Variants in ATXN7 observed in about 807,000 individuals in gnomAD.
ATXN7 encodes ataxin 7.
Under a neutral mutation model 70.5 loss-of-function variants are expected in ATXN7, and 12 were observed. The observed-to-expected ratio is 0.17, with a 90% confidence interval of 0.11 to 0.28. ATXN7 has a LOEUF of 0.28. Ranked by LOEUF, ATXN7 falls within the 10% of genes least tolerant of loss-of-function variation. ATXN7 has a pLI of 1.00. For synonymous variants in ATXN7, 498 were observed against 448.7 expected (o/e 1.11, Z -1.39); for missense variants, 1,256 against 1,131.7 (o/e 1.11, Z -1.58).
At chr3:63,945,854 T>C (rs748855652) in intron 4 of ATXN7, among the ~76,000 whole-genome samples, 15 of 152,074 alleles carry the variant, frequency 9.9e-5, no homozygotes, top group Non-Finnish European at 2.1e-4. Flanking sequence ...CAGGTACAGG[T>C]CTGGGGGAAC....
At chr3:63,868,312 C>G (rs1292692091) in intron 1 of ATXN7, among the ~76,000 whole-genome samples, 1 of 152,166 alleles carries the variant, frequency 6.6e-6, no homozygotes, top group African/African-American at 2.4e-5. Flanking sequence ...GCTACTTACC[C>G]TGCTTGACTC....
chr3:63,863,657 G>A, upstream of ATXN7: 1 of 1,221,932 alleles, frequency 8.2e-7, no homozygotes, highest in Non-Finnish European at 1.0e-6. Context: ...AAGCGCTCTG[G>A]CGAAGAGGCC....
intron 2 of ATXN7, among the ~76,000 whole-genome samples, chr3:63,906,564 A>G (rs1293294070): frequency 7.2e-5 from 11 of 152,194 alleles, no homozygotes; most frequent in Non-Finnish European, 1.6e-4. Flanking sequence ...TTCAGAGCAT[A>G]TACTCTTAAC....
intron 12 of ATXN7, chr3:63,998,040 C>T (rs2075787832): frequency 1.0e-6 from 1 of 985,202 alleles, no homozygotes. Flanking sequence ...ACATGGTGTG[C>T]CGATTCTTCA....
intron 5 of ATXN7, 57 bp downstream of exon 5, chr3:63,952,540 T>G: frequency 7.8e-7 from 1 of 1,284,928 alleles, no homozygotes; most frequent in Non-Finnish European, 1.1e-6. Flanking sequence ...AAAGCAAGAT[T>G]AAACTAAGGA....
chr3:63,932,308 A>T (rs1457803648), intron 4 of ATXN7, among the ~76,000 whole-genome samples: 2 of 152,220 alleles, frequency 1.3e-5, no homozygotes, highest in Non-Finnish European at 2.9e-5. Flanking sequence ...TTAAAAGTTA[A>T]GAGTCAGAAG....
chr3:63,981,277 G>T (rs1049262542), intron 6 of ATXN7, among the ~76,000 whole-genome samples: 6 of 152,158 alleles, frequency 3.9e-5, no homozygotes, highest in Non-Finnish European at 7.3e-5. Flanking sequence ...CTGTTCTTCT[G>T]TCAGAAGTAC....
At position 63,982,439 on chromosome 3, in the gene ATXN7, T is replaced by C. The variant is rs371301831; in HGVS notation, c.1006T>C (p.Leu336=). 2 of 1,600,940 alleles carry C rather than the reference T, an allele frequency of 1.2e-6. No individual in the cohort carries two copies. The highest frequency in any genetic ancestry group is 2.7e-5 in the African/African-American group (2 of 74,236). Residue 336 remains leucine, a synonymous_variant, in exon 7 of 13, where the codon TTA becomes CTA. Coordinates refer to ENST00000674280, the MANE Select transcript of ATXN7 (RefSeq NM_001377405.1). ...SNNRKFLNKR[L]SEREFDPDIH... ...TAATAGGAAATTTTTAAATAAGAGA[T>C]TATCAGGTAACTTCAAATTTTCTTT...
chr3:63,965,327 T>C (rs2106704078), intron 5 of ATXN7, among the ~76,000 whole-genome samples: 1 of 152,284 alleles, frequency 6.6e-6, no homozygotes, highest in Admixed American at 6.5e-5. Context: ...CCTGAGTCTC[T>C]TGCCCACGGC....
intron 2 of ATXN7, chr3:63,905,564 G>T (rs1168643602): frequency 6.6e-6 from 1 of 152,116 alleles, no homozygotes; most frequent in Admixed American, 6.6e-5. Flanking sequence ...CCCACTAATT[G>T]CCCGCTTGTG....
In ATXN7 at chr3:63,903,133, G is replaced by C. The variant is rs529610641; in HGVS notation, c.-12+4636G>C. Among the ~76,000 whole-genome samples the C allele has an allele frequency of 7.2e-5, 11 of 151,966 alleles. 1 individual carries two copies. In the South Asian group the frequency reaches 2.1e-3, roughly 29 times the overall value. ...ATGTGGGCCGGGCACGGTGGCTCAC[G>C]CCTGTAATTCCGGCACTTTGGGAGG... On this transcript the variant is annotated intron_variant, in intron 2 of 12. Transcript: ENST00000674280.
At chr3:63,968,627 G>T (rs2075264293) in intron 5 of ATXN7, among the ~76,000 whole-genome samples, 1 of 152,166 alleles carries the variant, frequency 6.6e-6, no homozygotes, top group Non-Finnish European at 1.5e-5. Flanking sequence ...AAGTCATTCA[G>T]TAACTTAAAT....
intron 1 of ATXN7, among the ~76,000 whole-genome samples, chr3:63,879,324 T>G (rs73834104): frequency 0.01 from 1,563 of 152,248 alleles, 24 homozygotes; most frequent in African/African-American, 0.034. Context: ...TTGGTTAAAA[T>G]TAAACTAACA....
chr3:63,884,980 G>C, intron 1 of ATXN7, among the ~76,000 whole-genome samples: 1 of 152,086 alleles, frequency 6.6e-6, no homozygotes, highest in East Asian at 1.9e-4. Flanking sequence ...TTTTAAGTCT[G>C]AGCTGTGCCT....
chr3:63,967,618 G>A (rs2075248037), intron 5 of ATXN7: 1 of 372,382 alleles, frequency 2.7e-6, no homozygotes, highest in Non-Finnish European at 4.4e-6. Context: ...TTGCATTTTA[G>A]CAGGTTAAAC....
At chr3:63,983,658 C>T (rs956238288) in intron 8 of ATXN7, among the ~76,000 whole-genome samples, 4 of 151,978 alleles carry the variant, frequency 2.6e-5, no homozygotes, top group African/African-American at 2.4e-5. Context: ...AATTTATATA[C>T]AAGCTAAGAA....
intron 4 of ATXN7, among the ~76,000 whole-genome samples, chr3:63,926,963 C>T (rs1704744459): frequency 6.6e-6 from 1 of 152,166 alleles, no homozygotes; most frequent in South Asian, 2.1e-4. Context: ...ATGGCTTCCA[C>T]CTTCATCCAT....
At chr3:63,903,734 T>G (rs917344363) in intron 2 of ATXN7, 1 of 152,104 alleles carries the variant, frequency 6.6e-6, no homozygotes, top group African/African-American at 2.4e-5. Flanking sequence ...GATGAAAAAA[T>G]TATCCTGCCA....
intron 4 of ATXN7, among the ~76,000 whole-genome samples, chr3:63,939,149 A>G (rs1308720336): frequency 6.6e-6 from 1 of 152,094 alleles, no homozygotes; most frequent in Non-Finnish European, 1.5e-5. Flanking sequence ...TCCCACATAT[A>G]TGGGCTTCAT....
Sources: allele counts gnomAD v4.1 joint callset (sites outside exome capture counted in the v4.1 genomes callset), GRCh38; gene constraint gnomAD v4.1.1; transcripts MANE v1.5; gene names NCBI Gene and HGNC (gene_info 2026-07-23, HGNC 2026-07-21).